ANKRD44: variants seen among roughly 807,000 people sequenced by gnomAD.
The protein encoded by ANKRD44 is ankyrin repeat domain 44.
In ANKRD44, 35 loss-of-function variants were observed where a neutral mutation model predicts 116.0. That is an observed-to-expected ratio of 0.30 (90% CI 0.23 to 0.40). The LOEUF is 0.40. Ranked by LOEUF, ANKRD44 falls within the 10% of genes least tolerant of loss-of-function variation. The pLI is 1.00. For missense variants in ANKRD44, 1,014 were observed against 1,242.6 expected, an observed-to-expected ratio of 0.82 and a Z score of 2.77; for synonymous variants, 435 against 461.8, an observed-to-expected ratio of 0.94 and a Z score of 0.74.
At position 197,306,996 on chromosome 2, in the gene ANKRD44, G is replaced by T. The variant is rs77861303; in HGVS notation, c.27+3582C>A. ...ACATGCAACAGAACTTACCATCCTA[G>T]CTTCATAACTCTGAAAATAAATTTC... On this transcript the variant is annotated intron_variant, in intron 1 of 27. Transcript: ENST00000282272. Among the ~76,000 whole-genome samples, 1,500 of 152,150 alleles carry T rather than the reference G, an allele frequency of 9.9e-3. 9 individuals are homozygous for T. Among genetic ancestry groups the T allele is most frequent in the African/African-American group, 0.016 (658 of 41,500 alleles).
intron 1 of ANKRD44, among the ~76,000 whole-genome samples, chr2:197,305,967 TTATA>T (rs374313668): frequency 0.013 from 1,644 of 124,742 alleles, 123 homozygotes; most frequent in African/African-American, 0.051. Context: ...GCAGTTCGTT[TTATA>T]TATATATATA....
intron 3 of ANKRD44, among the ~76,000 whole-genome samples, chr2:197,138,361 T>C (rs1439816663): frequency 3.9e-5 from 6 of 152,306 alleles, no homozygotes; most frequent in African/African-American, 1.4e-4. Context: ...CTAGAGACTG[T>C]AGAAATACAT....
At chr2:197,035,971 T>C (rs969391028) in intron 16 of ANKRD44, among the ~76,000 whole-genome samples, 1 of 152,206 alleles carries the variant, frequency 6.6e-6, no homozygotes, top group Admixed American at 6.5e-5. Flanking sequence ...TCTTTCTGCA[T>C]ATCCACAAAG....
intron 6 of ANKRD44, among the ~76,000 whole-genome samples, chr2:197,123,649 T>G (rs547838905): frequency 1.1e-4 from 16 of 152,036 alleles, no homozygotes; most frequent in African/African-American, 2.9e-4. Context: ...AATAAATAAA[T>G]AAACAAAGAA....
At chr2:197,112,321 C>A (rs549826999) in intron 8 of ANKRD44, among the ~76,000 whole-genome samples, 87 of 152,268 alleles carry the variant, frequency 5.7e-4, no homozygotes, top group Non-Finnish European at 9.7e-4. Context: ...GTTTTAAAAA[C>A]TCCATCTTGG....
At chr2:197,258,457 C>T (rs1413185472) in intron 1 of ANKRD44, among the ~76,000 whole-genome samples, 1 of 152,014 alleles carries the variant, frequency 6.6e-6, no homozygotes, top group Non-Finnish European at 1.5e-5. Context: ...ATAATATTCA[C>T]ATATATCACA....
chr2:197,019,662 T>C (rs2076458176), intron 17 of ANKRD44, among the ~76,000 whole-genome samples: 3 of 152,170 alleles, frequency 2.0e-5, no homozygotes, highest in South Asian at 4.1e-4. Context: ...CCATAAGTTA[T>C]ATGTTCCCGT....
rs568575433 is a variant in ANKRD44 at position 197,002,185 on chromosome 2, G to C, written c.2348-345C>G. On this transcript the variant is annotated intron_variant, in intron 21 of 27. Coordinates refer to ENST00000282272, the MANE Select transcript of ANKRD44 (RefSeq NM_001195144.2). ...CTTCAATTTGTCCACATTTATAAGA[G>C]GAAATGTACCTTTCACCCATACAAA... 3.3e-5 allele frequency among the ~76,000 whole-genome samples: 5 copies of C among 152,250 alleles called. No homozygotes were observed. The South Asian group carries it at 1.0e-3, about 32-fold the overall frequency.
intron 1 of ANKRD44, among the ~76,000 whole-genome samples, chr2:197,206,330 G>A (rs1406247223): frequency 6.6e-6 from 1 of 152,194 alleles, no homozygotes; most frequent in African/African-American, 2.4e-5. Flanking sequence ...CTCTGCTGCC[G>A]TGAAGTTCAC....
chr2:197,248,574 G>GTATATATATATA (rs1237255982), intron 1 of ANKRD44, among the ~76,000 whole-genome samples: 1 of 118,788 alleles, frequency 8.4e-6, no homozygotes, highest in African/African-American at 2.9e-5. Flanking sequence ...GTGTGTGTGT[G>GTATATATATATA]TGTGTATATA....
chr2:197,290,106 C>T lies in ANKRD44; in HGVS notation c.27+20472G>A, dbSNP rs150476770. Among the ~76,000 whole-genome samples, 1,360 of 151,918 alleles carry T rather than the reference C, an allele frequency of 9.0e-3. 12 individuals carry two copies. Among genetic ancestry groups the T allele is most frequent in the African/African-American group, 0.029 (1,222 of 41,424 alleles). On this transcript the variant is annotated intron_variant, in intron 1 of 27. Transcript: ENST00000282272. ...AACTCCTGACTTCAAGTGATCTGCCCGCCTCAGCCTCCCAATAGTCTATTT... is the reference window on the plus strand; with the variant it reads ...AACTCCTGACTTCAAGTGATCTGCCTGCCTCAGCCTCCCAATAGTCTATTT...
intron 21 of ANKRD44, among the ~76,000 whole-genome samples, chr2:196,976,513 A>T (rs2075761543): frequency 6.6e-6 from 1 of 152,182 alleles, no homozygotes; most frequent in Non-Finnish European, 1.5e-5. Context: ...ATTGGAAAAG[A>T]AGTAAAACTA....
At chr2:196,997,366 G>A (rs1452260262) in intron 25 of ANKRD44, among the ~76,000 whole-genome samples, 1 of 150,262 alleles carries the variant, frequency 6.7e-6, no homozygotes, top group Non-Finnish European at 1.5e-5. Context: ...AATATTATAC[G>A]ATTCAGCAAC....
chr2:197,088,727 C>T lies in ANKRD44; in HGVS notation c.1231G>A (p.Ala411Thr), dbSNP rs1417280319. 2 of 1,611,810 alleles carry T rather than the reference C, an allele frequency of 1.2e-6. No homozygotes were observed. The highest frequency in any genetic ancestry group is 2.2e-5 in the South Asian group (2 of 90,682). ...ACTACTCACCCTCCTGCAGCAGCAG[C>T]ATGAAGGCACGTTCTTCCAAATTTA... ...PDKFGRTCLH[A>T]AAAGGNVECI... is the part of the protein sequence containing the mutation. The change falls in exon 12 of 28, where the codon GCT (alanine) becomes ACT (threonine). Residue 411 changes from alanine (A) to threonine (T), a missense_variant. Ala to Thr is a moderately conservative substitution (Grantham distance 58). Coordinates refer to ENST00000282272, the MANE Select transcript of ANKRD44 (RefSeq NM_001195144.2).
At chr2:197,113,411 G>C (rs1038679976) in intron 8 of ANKRD44, among the ~76,000 whole-genome samples, 3 of 152,188 alleles carry the variant, frequency 2.0e-5, no homozygotes. Flanking sequence ...CCTAGGTGGT[G>C]CTATTTCTTT....
chr2:197,129,570 A>G (rs2079053201), intron 4 of ANKRD44, among the ~76,000 whole-genome samples: 2 of 152,212 alleles, frequency 1.3e-5, no homozygotes, highest in South Asian at 4.1e-4. Flanking sequence ...GCTGTCCTAT[A>G]TAAGATGCAG....
chr2:197,196,159 C>T (rs1469696246), intron 1 of ANKRD44, among the ~76,000 whole-genome samples: 5 of 152,136 alleles, frequency 3.3e-5, no homozygotes, highest in African/African-American at 4.8e-5. Context: ...CTTTGTATAA[C>T]TGTATCTTAC....
chr2:197,039,678 TGC>T (rs1491085474), intron 16 of ANKRD44, among the ~76,000 whole-genome samples: 67 of 90,460 alleles, frequency 7.4e-4, no homozygotes, highest in East Asian at 3.9e-3. Context: ...TGTGTGTGTG[TGC>T]GTGTGTGTGT....
chr2:197,256,871 T>C (rs1159168651), intron 1 of ANKRD44, among the ~76,000 whole-genome samples: 2 of 152,262 alleles, frequency 1.3e-5, no homozygotes, highest in African/African-American at 4.8e-5. Flanking sequence ...TAAACTGTCC[T>C]GTAAGGGGGC....
Sources: gnomAD v4.1 joint callset for allele counts (sites outside exome capture counted in the v4.1 genomes callset) on GRCh38, gnomAD v4.1.1 for gene constraint, MANE v1.5 for transcripts, NCBI Gene and HGNC (gene_info 2026-07-23, HGNC 2026-07-21) for gene names.